KIAA1958: variants seen among roughly 807,000 people sequenced by gnomAD.
KIAA1958 encodes uncharacterized protein KIAA1958.
KIAA1958 carries 14 observed loss-of-function variants against 47.2 expected under a neutral mutation model. The ratio of observed to expected loss-of-function variants is 0.30; its 90% confidence interval spans 0.20 to 0.46. The LOEUF is 0.46. Ranked by LOEUF, KIAA1958 falls within the 20% of genes least tolerant of loss-of-function variation. The probability of loss-of-function intolerance (pLI) is 1.00; values close to 1 mark genes in which losing one functional copy is unlikely to be tolerated. For synonymous variants in KIAA1958, 354 were observed against 353.3 expected, an observed-to-expected ratio of 1.00 and a Z score of -0.02; for missense variants, 803 against 909.2, an observed-to-expected ratio of 0.88 and a Z score of 1.50.
At chr9:112,557,605 A>G (rs2132846352) in intron 1 of KIAA1958, among the ~76,000 whole-genome samples, 1 of 152,296 alleles carries the variant, frequency 6.6e-6, no homozygotes, top group South Asian at 2.1e-4. Flanking sequence ...TCATCTCATG[A>G]GACAGTACCA....
intron 2 of KIAA1958, among the ~76,000 whole-genome samples, chr9:112,634,110 G>A (rs189033214): frequency 1.3e-5 from 2 of 152,306 alleles, no homozygotes; most frequent in Admixed American, 6.5e-5. Context: ...GAGTGTTCCT[G>A]TTGCTCCATA....
At position 112,659,692 on chromosome 9, in the gene KIAA1958, C is replaced by A. The variant is rs1464878699; in HGVS notation, c.1774C>A (p.Gln592Lys). 3 of 1,614,104 alleles carry A rather than the reference C, an allele frequency of 1.9e-6. No individual in the cohort carries two copies. Among genetic ancestry groups the A allele is most frequent in the Admixed American group, 3.3e-5 (2 of 60,004 alleles). The change falls in exon 4 of 4, where the codon CAG becomes AAG. Residue 592 changes from glutamine (Q) to lysine (K), a missense_variant. Around this residue, in one of 2 missense-constraint regions of KIAA1958, gnomAD observed 761 missense variants for 829.3 expected, o/e 0.92. Transcript: ENST00000337530. The stretch of plus-strand genomic sequence containing the variant: ...CGAGCTGCTCAAAGACCCCCAAAAC[C>A]AGCCCTACTTTGCCCGGACGGACAG... ...DIELLKDPQN[Q>K]PYFARTDSVK...
intron 2 of KIAA1958, among the ~76,000 whole-genome samples, chr9:112,614,187 A>G (rs1419096407): frequency 6.6e-6 from 1 of 152,180 alleles, no homozygotes; most frequent in African/African-American, 2.4e-5. Flanking sequence ...GAGTCCATTC[A>G]TATGTGTTAC....
At chr9:112,652,318 A>G (rs893060682) in intron 3 of KIAA1958, among the ~76,000 whole-genome samples, 2 of 152,192 alleles carry the variant, frequency 1.3e-5, no homozygotes, top group Non-Finnish European at 2.9e-5. Flanking sequence ...ACTAAAGGAA[A>G]ATGGTTTCTT....
At chr9:112,533,807 G>A (rs981718515) in intron 1 of KIAA1958, among the ~76,000 whole-genome samples, 6 of 152,074 alleles carry the variant, frequency 3.9e-5, no homozygotes, top group African/African-American at 7.2e-5. Context: ...AACAGCCCCC[G>A]TAATCCAATT....
Position 112,659,621 on chromosome 9 carries a change from A to G in KIAA1958, c.1703A>G (p.Asn568Ser), listed in dbSNP as rs1837226430. The change falls in exon 4 of 4, where the codon AAC becomes AGC. Residue 568 changes from asparagine (N) to serine (S), a missense_variant. By Grantham distance (46) the Asn-to-Ser change is conservative (BLOSUM62 1). Around this residue, in one of 2 missense-constraint regions of KIAA1958, gnomAD observed 761 missense variants for 829.3 expected, o/e 0.92. Coordinates refer to ENST00000337530, the MANE Select transcript of KIAA1958 (RefSeq NM_133465.4). ...GTCAAGTACAACAGCCAGTACCTGA[A>G]CATGCGGACGCTGCAGGAGCATGCG... ...TVVKYNSQYL[N>S]MRTLQEHADL... 1.2e-6 allele frequency: 2 copies of G among 1,614,084 alleles called. No individual in the cohort carries two copies. Among genetic ancestry groups the G allele is most frequent in the Non-Finnish European group, 1.7e-6 (2 of 1,179,944 alleles).
intron 1 of KIAA1958, 31 bp from the exon 2 acceptor site, chr9:112,574,026 A>T: frequency 8.5e-7 from 1 of 1,175,540 alleles, no homozygotes; most frequent in East Asian, 2.4e-5. Context: ...TTGGGTAATA[A>T]TGGCTTCTTC....
At chr9:112,511,613 G>A (rs1280506398) in intron 1 of KIAA1958, among the ~76,000 whole-genome samples, 1 of 152,140 alleles carries the variant, frequency 6.6e-6, no homozygotes. Context: ...ATGACCTCAG[G>A]TTTTACCTTA....
chr9:112,626,363 G>A (rs964350245), intron 2 of KIAA1958, among the ~76,000 whole-genome samples: 2 of 152,016 alleles, frequency 1.3e-5, no homozygotes, highest in Non-Finnish European at 2.9e-5. Flanking sequence ...TTTTAAAAAG[G>A]TACAGTGTGA....
At chr9:112,487,626 T>C (rs1833884653) in intron 1 of KIAA1958, among the ~76,000 whole-genome samples, 1 of 152,066 alleles carries the variant, frequency 6.6e-6, no homozygotes, top group Non-Finnish European at 1.5e-5. Context: ...CCGAGGTGCG[T>C]TTGGGGCGTG....
At chr9:112,569,135 T>TAA (rs1412186469) in intron 1 of KIAA1958, among the ~76,000 whole-genome samples, 2 of 152,128 alleles carry the variant, frequency 1.3e-5, no homozygotes, top group African/African-American at 4.8e-5. Flanking sequence ...GAGAATATGT[T>TAA]CACATTCCTT....
chr9:112,633,968 G>A (rs951156684), intron 2 of KIAA1958, among the ~76,000 whole-genome samples: 9 of 151,952 alleles, frequency 5.9e-5, no homozygotes, highest in Admixed American at 1.3e-4. Flanking sequence ...ATATGTACAC[G>A]TTTCTGTTGG....
At chr9:112,495,328 T>TACTTTTGG (rs1169570170) in intron 1 of KIAA1958, among the ~76,000 whole-genome samples, 1 of 152,254 alleles carries the variant, frequency 6.6e-6, no homozygotes, top group Non-Finnish European at 1.5e-5. Context: ...GACTTACCTG[T>TACTTTTGG]ACTTTTGGAG....
chr9:112,551,536 T>C (rs1322497306), intron 1 of KIAA1958, among the ~76,000 whole-genome samples: 2 of 152,268 alleles, frequency 1.3e-5, no homozygotes, highest in Non-Finnish European at 2.9e-5. Flanking sequence ...AAAAATCTTA[T>C]ATTCAACAAA....
intron 1 of KIAA1958, among the ~76,000 whole-genome samples, chr9:112,501,269 GT>G (rs1420050901): frequency 1.3e-5 from 2 of 151,580 alleles, no homozygotes; most frequent in Non-Finnish European, 2.9e-5. Context: ...CAAGACCCTT[GT>G]CTTTACAAAA....
chr9:112,609,894 G>A (rs1309303554), intron 2 of KIAA1958, among the ~76,000 whole-genome samples: 1 of 152,134 alleles, frequency 6.6e-6, no homozygotes, highest in Admixed American at 6.5e-5. Flanking sequence ...CCAAGGAGAA[G>A]AAAAGTGGAG....
chr9:112,517,920 C>G (rs999844927), intron 1 of KIAA1958, among the ~76,000 whole-genome samples: 1 of 152,194 alleles, frequency 6.6e-6, no homozygotes, highest in African/African-American at 2.4e-5. Context: ...CAGGTGTTGG[C>G]TAGGATATTA....
intron 2 of KIAA1958, among the ~76,000 whole-genome samples, chr9:112,595,742 T>C (rs939829081): frequency 2.6e-5 from 4 of 151,506 alleles, no homozygotes; most frequent in African/African-American, 9.7e-5. Context: ...GTAGCACTTA[T>C]ACATAGTGTA....
chr9:112,592,793 G>C (rs1193127934), intron 2 of KIAA1958, among the ~76,000 whole-genome samples: 1 of 152,196 alleles, frequency 6.6e-6, no homozygotes, highest in Non-Finnish European at 1.5e-5. Flanking sequence ...TTGGATCTGA[G>C]TAGCAGCCAC....
Sources: allele counts gnomAD v4.1 joint callset (sites outside exome capture counted in the v4.1 genomes callset), GRCh38; gene constraint gnomAD v4.1.1; regional missense constraint gnomAD v4.1.1; transcripts MANE v1.5; gene names NCBI Gene and HGNC (gene_info 2026-07-23, HGNC 2026-07-21).